Variants in CDK11A observed in about 807,000 individuals in gnomAD.
CDK11A encodes the protein cyclin-dependent kinase 11A.
CDK11A carries 55 observed loss-of-function variants against 83.6 expected under a neutral mutation model. The observed-to-expected ratio is 0.66, with a 90% CI of 0.53 to 0.82. The LOEUF (loss-of-function observed/expected upper bound fraction) is 0.82. Among genes scored for constraint, CDK11A ranks in the 40% least tolerant of loss-of-function variants. The pLI is 0.00. For missense variants in CDK11A, 564 were observed against 810.1 expected, an observed-to-expected ratio of 0.70 and a Z score of 3.69; for synonymous variants, 247 against 302.7, an observed-to-expected ratio of 0.82 and a Z score of 1.91.
chr1:1,722,146 T>C (rs779595432), intron 2 of CDK11A, among the ~76,000 whole-genome samples: 3 of 151,072 alleles, frequency 2.0e-5, no homozygotes, highest in Admixed American at 6.6e-5. Context: ...CACATGCTAT[T>C]GGAAAAATAC....
intron 10 of CDK11A, 47 bp downstream of exon 10, chr1:1,708,133 C>G (rs1309773974): frequency 6.3e-7 from 1 of 1,576,544 alleles, no homozygotes; most frequent in Non-Finnish European, 8.6e-7. Flanking sequence ...GGCTGCTGCA[C>G]TCGGAGACAG....
intron 18 of CDK11A, 94 bp downstream of exon 18, chr1:1,703,382 G>A (rs1644158543): frequency 1.8e-6 from 2 of 1,111,460 alleles, no homozygotes; most frequent in Non-Finnish European, 2.4e-6. Flanking sequence ...CACCAGAGCA[G>A]TTCTGGAACG....
intron 2 of CDK11A, 35 bp from the exon 3 acceptor site, chr1:1,721,746 A>G (rs755740687): frequency 7.3e-6 from 11 of 1,504,910 alleles, no homozygotes; most frequent in Middle Eastern, 1.7e-4. Context: ...CATTTTCTTT[A>G]TAAGTTTTTT....
rs764789176 is a variant in CDK11A, at chr1:1,707,396, G to GGGAGGGCCTGACCT, written c.1244_1245+12dup. 1 of 1,606,282 alleles carries GGGAGGGCCTGACCT rather than the reference G, an allele frequency of 6.2e-7. No individual in the cohort carries two copies. The highest frequency in any genetic ancestry group is 2.2e-5 in the East Asian group (1 of 44,746). On this transcript the variant is annotated intron_variant, in intron 11 of 19. Transcript: ENST00000404249. Reference sequence around the variant, plus strand: ...AATGCGGACAGCGGCCCGGGGCGAGGGGAGGGCCTGACCTGCAGGGCCGGC... The same window carrying GGGAGGGCCTGACCT: ...AATGCGGACAGCGGCCCGGGGCGAGGGGAGGGCCTGACCTGGAGGGCCTGACCTGCAGGGCCGGC...
chr1:1,718,576 G>A (rs1416531730), intron 4 of CDK11A, among the ~76,000 whole-genome samples: 1 of 150,550 alleles, frequency 6.6e-6, no homozygotes, highest in Non-Finnish European at 1.5e-5. Context: ...TTCAGCTAGA[G>A]TATTCTCTCT....
rs1282276605 is a variant in CDK11A, at chr1:1,717,421, C to T, written c.356-943G>A. On this transcript the variant is annotated intron_variant, in intron 4 of 19. Transcript: ENST00000404249. ...CTGATGTTGGTACGAGATCAAACTG[C>T]TCAAGCCTAACCCATTCTTTGGACT... is the stretch of plus-strand genomic sequence containing the variant. Among the ~76,000 whole-genome samples, 4 of 151,306 alleles carry T rather than the reference C, an allele frequency of 2.6e-5. 1 individual carries two copies. Among genetic ancestry groups the T allele is most frequent in the African/African-American group, 9.7e-5 (4 of 41,156 alleles).
chr1:1,721,626 G>C lies in CDK11A; in HGVS notation c.197C>G (p.Pro66Arg), dbSNP rs368753784. 3.5e-5 allele frequency: 56 copies of C among 1,606,824 alleles called. 2 individuals are homozygous for C. The highest frequency in any genetic ancestry group is 4.5e-5 in the East Asian group (2 of 44,784). Residue 66 changes from proline to arginine, a missense_variant, in exon 3 of 20, where the codon CCG becomes CGG. Around this residue, in one of 5 missense-constraint regions of CDK11A, gnomAD observed 151 missense variants for 147.4 expected, o/e 1.02. Transcript: ENST00000404249. ...TTCCATTGAGTCTTCTCTTCTATAC[G>C]GGGAGTTCCTTATTGTGATCTCCAT... The part of the protein sequence containing the change: ...HCMEITIRNS[P>R]YRREDSMEDR...
chr1:1,716,339 C>G lies in CDK11A; in HGVS notation c.488+7G>C, dbSNP rs72901773. On this transcript the variant is annotated splice_region_variant and intron_variant, in intron 5 of 19. Transcript: ENST00000404249. ...CATAAAGTCCTCAACTGACCCAGCCCACTCACCTTTCTCTCCTGGAATGCT... is the reference window on the plus strand; with the variant it reads ...CATAAAGTCCTCAACTGACCCAGCCGACTCACCTTTCTCTCCTGGAATGCT... 9 of 1,608,422 alleles carry G rather than the reference C, an allele frequency of 5.6e-6. No homozygotes were observed. The highest frequency in any genetic ancestry group is 2.7e-5 in the African/African-American group (2 of 74,584).
rs376804527 is a variant in CDK11A, at chr1:1,704,066, G to A, written c.1767C>T (p.Arg589=). Residue 589 remains arginine, a synonymous_variant, in exon 16 of 20, where the codon CGC becomes CGT. Coordinates refer to ENST00000404249, the MANE Select transcript of CDK11A (RefSeq NM_024011.4). The stretch of plus-strand genomic sequence containing the variant: ...TGGCACCAAGCAGCAGCTCTGGGGC[G>A]CGGTACCACTGGGTCACCACGACCG... ...YTPVVVTQWY[R]APELLLGAKE... is the part of the protein sequence containing the mutation. 2.1e-4 allele frequency: 333 copies of A among 1,595,824 alleles called. 11 individuals are homozygous for A. In the Admixed American group the frequency reaches 4.7e-3, roughly 23 times the overall value.
rs753002307 is a variant in CDK11A, at chr1:1,722,840, AG to A, written c.-13-10del. 5.0e-6 allele frequency: 6 copies of A among 1,191,988 alleles called. No homozygotes were observed. The South Asian group carries it at 8.5e-5, about 17-fold the overall frequency. The allele number at this position is 1,191,988 out of a possible 1,614,324, so 73.8% of individuals were successfully genotyped here. A position where few individuals can be genotyped will look rare whatever the true frequency, so the allele number is the denominator to read the frequency against. ...CCATTTGAGTTAAAACACTGCAAAA[AG>A]AAAAATAATTCAGCCTACATCAGGA... is the stretch of plus-strand genomic sequence containing the variant. On this transcript the variant is annotated splice_polypyrimidine_tract_variant and intron_variant, in intron 1 of 19. Coordinates refer to ENST00000404249, the MANE Select transcript of CDK11A (RefSeq NM_024011.4).
In CDK11A at chr1:1,704,957, T is replaced by C; in HGVS notation, c.1405A>G (p.Arg469Gly). ...EKEGFPITSL[R>G]EINTILKAQH... ...GCCTTGAGGATGGTGTTGATCTCCC[T>C]CAGGGACGTGATCGGGAAGCCCTCC... is the stretch of plus-strand genomic sequence containing the variant. The change falls in exon 13 of 20, where the codon AGG (arginine) becomes GGG (glycine). Residue 469 changes from arginine (R) to glycine (G), a missense_variant. Transcript: ENST00000404249. 6.3e-7 allele frequency: 1 copy of C among 1,598,368 alleles called. No homozygotes were observed. The highest frequency in any genetic ancestry group is 8.5e-7 in the Non-Finnish European group (1 of 1,173,282).
In CDK11A at chr1:1,703,565, T is replaced by C. The variant is rs874516; in HGVS notation, c.1971A>G (p.Lys657=). Residue 657 remains lysine (K), a synonymous_variant, in exon 18 of 20, where the codon AAA becomes AAG. Coordinates refer to ENST00000404249, the MANE Select transcript of CDK11A (RefSeq NM_024011.4). ...WPGYSELPVV[K]KMTFSEHPYN... ...AGGGGTGCTCGCTGAAGGTCATCTT[T>C]TTGACTACTGGGAGCTCACTGTAGC... 887,316 of 1,543,906 alleles carry C rather than the reference T, an allele frequency of 0.57. 284,205 individuals carry two copies. Among genetic ancestry groups the C allele is most frequent in the African/African-American group, 0.87 (46,225 of 53,038 alleles).
At chr1:1,715,531 T>C (rs1333604256) in intron 5 of CDK11A, among the ~76,000 whole-genome samples, 2 of 147,736 alleles carry the variant, frequency 1.4e-5, no homozygotes, top group Admixed American at 6.9e-5. Context: ...AACTGAAACC[T>C]TGCTCACCCA....
rs773160226 is a variant in CDK11A, at chr1:1,704,123, C to T, written c.1710G>A (p.Arg570=). The change falls in exon 16 of 20, where the codon CGG becomes CGA. Residue 570 remains arginine, a synonymous_variant. Coordinates refer to ENST00000404249, the MANE Select transcript of CDK11A (RefSeq NM_024011.4). ...ILKVGDFGLA[R]EYGSPLKAYT... is the part of the protein sequence containing the mutation. The stretch of plus-strand genomic sequence containing the variant: ...AGGCCTTCAGAGGGGATCCGTACTC[C>T]CGCGCCAGCCCAAAATCACCCACCT... The T allele has an allele frequency of 3.1e-6, 5 of 1,604,070 alleles. No individual in the cohort carries two copies. The highest frequency in any genetic ancestry group is 4.3e-6 in the Non-Finnish European group (5 of 1,174,162).
At chr1:1,722,145 T>C (rs1219579305) in intron 2 of CDK11A, among the ~76,000 whole-genome samples, 1 of 151,018 alleles carries the variant, frequency 6.6e-6, no homozygotes, top group Non-Finnish European at 1.5e-5. Flanking sequence ...GCACATGCTA[T>C]TGGAAAAATA....
intron 2 of CDK11A, chr1:1,721,991 A>C: frequency 3.4e-6 from 1 of 290,632 alleles, no homozygotes; most frequent in Non-Finnish European, 6.6e-6. Flanking sequence ...CTCTACTAAA[A>C]ATACAAAAAA....
At chr1:1,715,263 T>A (rs1205119655) in intron 5 of CDK11A, among the ~76,000 whole-genome samples, 190 of 127,576 alleles carry the variant, frequency 1.5e-3, no homozygotes, top group African/African-American at 4.3e-3. Flanking sequence ...GGCCTTAGCC[T>A]CCCACGTAGC....
chr1:1,719,745 T>C (rs1644832839), intron 3 of CDK11A, among the ~76,000 whole-genome samples: 1 of 148,744 alleles, frequency 6.7e-6, no homozygotes, highest in African/African-American at 2.5e-5. Flanking sequence ...GCCTCCGGAG[T>C]AGCTGGGACT....
intron 5 of CDK11A, among the ~76,000 whole-genome samples, chr1:1,713,766 T>G (rs1172335491): frequency 1.5e-5 from 1 of 66,672 alleles, no homozygotes; most frequent in South Asian, 4.2e-4. Flanking sequence ...GCAGTGCCTG[T>G]CCTTCCTTCC....
Sources: allele counts gnomAD v4.1 joint callset (sites outside exome capture counted in the v4.1 genomes callset), GRCh38; gene constraint gnomAD v4.1.1; regional missense constraint gnomAD v4.1.1; transcripts MANE v1.5; gene names NCBI Gene and HGNC (gene_info 2026-07-23, HGNC 2026-07-21).